C8A: variants seen among roughly 807,000 people sequenced by gnomAD.
The protein encoded by C8A is complement component C8 alpha chain.
C8A carries 67 observed loss-of-function variants against 65.3 expected under a neutral mutation model. The ratio of observed to expected loss-of-function variants is 1.03; its 90% CI spans 0.84 to 1.26. C8A has a LOEUF of 1.26. Among genes scored for constraint, C8A ranks in the 50% most tolerant of loss-of-function variants. The probability of loss-of-function intolerance (pLI) is 0.00; values close to 1 mark genes in which losing one functional copy is unlikely to be tolerated. For synonymous variants in C8A, 290 were observed against 259.4 expected, an observed-to-expected ratio of 1.12 and a Z score of -1.13; for missense variants, 781 against 723.9, an observed-to-expected ratio of 1.08 and a Z score of -0.90.
rs780922319 is a variant in C8A, at chr1:56,881,477, G to A, written c.497G>A (p.Ser166Asn). ...ATCCTGACCCAGGAAGATGCTCAGA[G>A]TGTGTACGATGCCAGTTATTATGGG... ...YNILTQEDAQ[S>N]VYDASYYGGQ... Residue 166 changes from serine to asparagine, a missense_variant, in exon 5 of 11, where the codon AGT becomes AAT. By Grantham distance (46) the Ser-to-Asn change is conservative (BLOSUM62 1). Coordinates refer to ENST00000361249, the MANE Select transcript of C8A (RefSeq NM_000562.3). 2 of 1,613,756 alleles carry A rather than the reference G, an allele frequency of 1.2e-6. No homozygotes were observed. The highest frequency in any genetic ancestry group is 1.7e-5 in the Admixed American group (1 of 59,986).
At chr1:56,880,746 A>C (rs1644241167) in intron 4 of C8A, among the ~76,000 whole-genome samples, 1 of 152,184 alleles carries the variant, frequency 6.6e-6, no homozygotes. Context: ...AGCAACCTTT[A>C]TTCAGTCCTT....
intron 10 of C8A, among the ~76,000 whole-genome samples, chr1:56,913,779 G>A (rs145849377): frequency 2.1e-4 from 32 of 152,314 alleles, no homozygotes; most frequent in African/African-American, 6.7e-4. Flanking sequence ...AAGTCTGGAT[G>A]GGAAATCCAA....
At chr1:56,868,567 T>G (rs1644113987) in intron 2 of C8A, among the ~76,000 whole-genome samples, 1 of 152,018 alleles carries the variant, frequency 6.6e-6, no homozygotes, top group South Asian at 2.1e-4. Context: ...GCTGTGAGCT[T>G]AGATTGTGCC....
chr1:56,879,832 G>T (rs1201081305), intron 4 of C8A, among the ~76,000 whole-genome samples: 1 of 152,134 alleles, frequency 6.6e-6, no homozygotes, highest in Non-Finnish European at 1.5e-5. Flanking sequence ...AATCTGCCAG[G>T]TGCTCTATAA....
chr1:56,874,416 A>T (rs1644177905), intron 2 of C8A, among the ~76,000 whole-genome samples: 1 of 152,230 alleles, frequency 6.6e-6, no homozygotes, highest in Non-Finnish European at 1.5e-5. Context: ...AAAAAGCAAC[A>T]GATGTCTTCT....
In C8A at chr1:56,907,961, G is replaced by T; in HGVS notation, c.1228G>T (p.Ala410Ser). The change falls in exon 9 of 11, where the codon GCC (alanine) becomes TCC (serine). Residue 410 changes from alanine (A) to serine (S), a missense_variant. Physicochemically the swap from Ala to Ser is moderately conservative, Grantham distance 99. Transcript: ENST00000361249. ...GTTTATCCTCTTGATGGCAGAAAGG[G>T]CCAGGAAGGCCATGGCTGTGGAAGA... The part of the protein sequence containing the change: ...KKFGGGKTER[A>S]RKAMAVEDII... 6.2e-7 allele frequency: 1 copy of T among 1,614,202 alleles called. No individual in the cohort carries two copies. The highest frequency in any genetic ancestry group is 8.5e-7 in the Non-Finnish European group (1 of 1,180,016).
chr1:56,885,358 GTAAA>G (rs1644284831), intron 6 of C8A, among the ~76,000 whole-genome samples: 2 of 116,310 alleles, frequency 1.7e-5, no homozygotes, highest in South Asian at 5.0e-4. Flanking sequence ...ATATATTTAT[GTAAA>G]TATATATTTA....
Position 56,908,520 on chromosome 1 carries a change from T to C in C8A, c.1380+407T>C, listed in dbSNP as rs1644484160. Among the ~76,000 whole-genome samples the C allele has an allele frequency of 3.3e-5, 5 of 152,376 alleles. No homozygotes were observed. The South Asian group carries it at 1.0e-3, about 32-fold the overall frequency. On this transcript the variant is annotated intron_variant, in intron 9 of 10. Transcript: ENST00000361249. ...TTTGTGGGACACATACAATCTATAA[T>C]ACACAAAGTAGTAGTATTAGTTCTT...
chr1:56,906,443 T>TA (rs2101295907), intron 7 of C8A, among the ~76,000 whole-genome samples: 1 of 152,182 alleles, frequency 6.6e-6, no homozygotes, highest in African/African-American at 2.4e-5. Context: ...TAGCATTTTT[T>TA]ACCAACTAGT....
At chr1:56,906,275 G>A (rs1217488628) in intron 7 of C8A, among the ~76,000 whole-genome samples, 2 of 152,152 alleles carry the variant, frequency 1.3e-5, no homozygotes, top group Non-Finnish European at 2.9e-5. Flanking sequence ...GGGAGGAGGA[G>A]GGGCATTTAG....
intron 3 of C8A, among the ~76,000 whole-genome samples, chr1:56,875,817 T>C (rs907393869): frequency 6.6e-6 from 1 of 152,030 alleles, no homozygotes; most frequent in Non-Finnish European, 1.5e-5. Context: ...CAGACTGGCA[T>C]TTTAGAAAGA....
In C8A at chr1:56,885,354, TTATG is replaced by T. The variant is rs1182582409; in HGVS notation, c.856-570_856-567del. Among the ~76,000 whole-genome samples the T allele has an allele frequency of 7.9e-5, 7 of 88,108 alleles. 1 individual carries two copies. Among genetic ancestry groups the T allele is most frequent in the South Asian group, 6.9e-4 (2 of 2,904 alleles). 57.8% of individuals were successfully genotyped at this position (88,108 alleles called of 152,430 possible). Reference sequence around the variant, plus strand: ...AATATATATTTACATAAATATATATTTATGTAAATATATATTTATATTTATTTAA... The same window carrying T: ...AATATATATTTACATAAATATATATTTAAATATATATTTATATTTATTTAA... On this transcript the variant is annotated intron_variant, in intron 6 of 10. Coordinates refer to ENST00000361249, the MANE Select transcript of C8A (RefSeq NM_000562.3).
At position 56,912,635 on chromosome 1, in the gene C8A, G is replaced by T; in HGVS notation, c.1603+10G>T. 1 of 1,612,494 alleles carries T rather than the reference G, an allele frequency of 6.2e-7. No homozygotes were observed. The highest frequency in any genetic ancestry group is 8.5e-7 in the Non-Finnish European group (1 of 1,178,896). On this transcript the variant is annotated intron_variant, in intron 10 of 10. Transcript: ENST00000361249. ...CAAACACAGACAGAAGGTAAGGTCC[G>T]TGCATCCCCACCCAGTTCCAGCCTG... is the stretch of plus-strand genomic sequence containing the variant.
chr1:56,884,554 A>G (rs1435230147), intron 6 of C8A, among the ~76,000 whole-genome samples: 2 of 152,166 alleles, frequency 1.3e-5, no homozygotes, highest in Non-Finnish European at 2.9e-5. Flanking sequence ...AGCTTTGCCA[A>G]AGAATTAGCT....
intron 2 of C8A, among the ~76,000 whole-genome samples, chr1:56,872,050 A>G (rs1644151413): frequency 6.6e-6 from 1 of 152,196 alleles, no homozygotes; most frequent in African/African-American, 2.4e-5. Context: ...ATGCTAAGGT[A>G]TCCTGGCACC....
At chr1:56,873,361 A>G (rs706473) in intron 2 of C8A, among the ~76,000 whole-genome samples, 52,612 of 152,026 alleles carry the variant, frequency 0.35, 11,999 homozygotes, top group African/African-American at 0.64. Context: ...TCAAGGGAAA[A>G]TGCCATTACA....
rs773853618 is a variant in C8A, at chr1:56,881,559, C to T, written c.579C>T (p.Thr193=). The T allele has an allele frequency of 1.2e-6, 2 of 1,613,778 alleles. No individual in the cohort carries two copies. The highest frequency in any genetic ancestry group is 4.5e-5 in the East Asian group (2 of 44,866). ...GEWRELRYDS[T]CERLYYGDDE... is the part of the protein sequence containing the mutation. ...GGAGGGAGCTTCGATATGACTCCAC[C>T]TGTGAACGTCTCTACTATGGAGATG... Residue 193 remains threonine, a synonymous_variant, in exon 5 of 11, where the codon ACC becomes ACT. Transcript: ENST00000361249.
intron 7 of C8A, among the ~76,000 whole-genome samples, chr1:56,896,274 G>A (rs1446475941): frequency 2.0e-5 from 3 of 152,020 alleles, no homozygotes; most frequent in Non-Finnish European, 4.4e-5. Flanking sequence ...ATGTGATATG[G>A]AGTCTGACAA....
intron 10 of C8A, 64 bp downstream of exon 10, chr1:56,912,689 G>C (rs1570355531): frequency 6.8e-7 from 1 of 1,466,842 alleles, no homozygotes; most frequent in African/African-American, 1.4e-5. Flanking sequence ...AGTGCAAAAA[G>C]GACTTTTGGG....
Sources: allele counts gnomAD v4.1 joint callset (sites outside exome capture counted in the v4.1 genomes callset), GRCh38; gene constraint gnomAD v4.1.1; transcripts MANE v1.5; gene names NCBI Gene and HGNC (gene_info 2026-07-23, HGNC 2026-07-21).